Variants in BRINP3 observed in about 807,000 individuals in gnomAD.
BRINP3 encodes BMP/retinoic acid inducible neural specific 3.
BRINP3 carries 19 observed loss-of-function variants against 71.0 expected under a neutral mutation model. The observed-to-expected ratio is 0.27, with a 90% CI of 0.19 to 0.39. The LOEUF (loss-of-function observed/expected upper bound fraction) is 0.39. Among genes scored for constraint, BRINP3 ranks in the 10% least tolerant of loss-of-function variants. The pLI is 1.00. For missense variants in BRINP3, 959 were observed against 940.8 expected, an observed-to-expected ratio of 1.02 and a Z score of -0.25; for synonymous variants, 380 against 337.7, an observed-to-expected ratio of 1.13 and a Z score of -1.37.
intron 7 of BRINP3, among the ~76,000 whole-genome samples, chr1:190,112,848 C>T (rs540876272): frequency 6.6e-6 from 1 of 152,098 alleles, no homozygotes; most frequent in African/African-American, 2.4e-5. Context: ...CATTACATTC[C>T]CCAGGAAAGA....
chr1:190,334,773 T>C (rs1440399776), intron 2 of BRINP3, among the ~76,000 whole-genome samples: 1 of 151,790 alleles, frequency 6.6e-6, no homozygotes, highest in African/African-American at 2.4e-5. Flanking sequence ...GGTATTGAAA[T>C]AATAAGGTGA....
chr1:190,198,424 T>C (rs1452595733), intron 6 of BRINP3, among the ~76,000 whole-genome samples: 16 of 152,232 alleles, frequency 1.1e-4, no homozygotes, highest in Admixed American at 1.0e-3. Flanking sequence ...TCTGAACTTT[T>C]ATGCTCTGCT....
At chr1:190,261,938 C>A (rs1661218093) in intron 4 of BRINP3, among the ~76,000 whole-genome samples, 1 of 152,152 alleles carries the variant, frequency 6.6e-6, no homozygotes, top group Non-Finnish European at 1.5e-5. Context: ...ACCCTTGGAT[C>A]CAGCCTACTG....
intron 7 of BRINP3, among the ~76,000 whole-genome samples, chr1:190,110,167 T>G (rs2102277697): frequency 6.6e-6 from 1 of 152,258 alleles, no homozygotes; most frequent in African/African-American, 2.4e-5. Context: ...ATACGTGTGG[T>G]GAATGCTTTA....
intron 4 of BRINP3, among the ~76,000 whole-genome samples, chr1:190,247,942 G>A (rs1007272665): frequency 6.6e-6 from 1 of 151,756 alleles, no homozygotes. Context: ...CTCTATCTTC[G>A]ACAAAGTTTG....
chr1:190,282,916 GACA>G (rs1249135233), intron 2 of BRINP3, among the ~76,000 whole-genome samples: 1 of 151,908 alleles, frequency 6.6e-6, no homozygotes, highest in Non-Finnish European at 1.5e-5. Flanking sequence ...ACTCTGCCGA[GACA>G]ACAATTAGGC....
At chr1:190,463,724 T>C (rs1388837004) in intron 1 of BRINP3, among the ~76,000 whole-genome samples, 1 of 151,920 alleles carries the variant, frequency 6.6e-6, no homozygotes, top group East Asian at 1.9e-4. Context: ...GGTAATGATG[T>C]ATAACTTCAC....
At chr1:190,335,023 A>C (rs1667198793) in intron 2 of BRINP3, among the ~76,000 whole-genome samples, 1 of 151,828 alleles carries the variant, frequency 6.6e-6, no homozygotes, top group Non-Finnish European at 1.5e-5. Flanking sequence ...GATATTGCCT[A>C]TTTTATATTG....
At chr1:190,161,222 TTTC>T (rs141242106) in intron 6 of BRINP3, among the ~76,000 whole-genome samples, 2 of 152,156 alleles carry the variant, frequency 1.3e-5, no homozygotes, top group African/African-American at 2.4e-5. Flanking sequence ...TTCAGTAAAC[TTTC>T]TTCAATACAT....
chr1:190,153,925 G>T, intron 7 of BRINP3: 1 of 211,736 alleles, frequency 4.7e-6, no homozygotes, highest in Non-Finnish European at 8.2e-6. Flanking sequence ...ATGCAAGTTT[G>T]GCTCTAGTAA....
chr1:190,407,610 C>T (rs1157308414), intron 2 of BRINP3, among the ~76,000 whole-genome samples: 2 of 152,120 alleles, frequency 1.3e-5, no homozygotes, highest in African/African-American at 4.8e-5. Flanking sequence ...TTTATTCAAA[C>T]ATGTAAACCC....
chr1:190,201,972 C>T lies in BRINP3; in HGVS notation c.961+24110G>A, dbSNP rs56213523. On this transcript the variant is annotated intron_variant, in intron 6 of 7. Coordinates refer to ENST00000367462, the MANE Select transcript of BRINP3 (RefSeq NM_199051.3). ...TCAGAGGATCACCACAAAGTCCCTACTGAGGCATCACCTAGTGGAGCTGTG... is the reference window on the plus strand; with the variant it reads ...TCAGAGGATCACCACAAAGTCCCTATTGAGGCATCACCTAGTGGAGCTGTG... Among the ~76,000 whole-genome samples the T allele has an allele frequency of 3.3e-3, 498 of 152,294 alleles. 2 individuals carry two copies. The highest frequency in any genetic ancestry group is 0.011 in the African/African-American group (464 of 41,572).
intron 1 of BRINP3, among the ~76,000 whole-genome samples, chr1:190,457,498 T>A (rs924245695): frequency 7.1e-6 from 1 of 140,202 alleles, no homozygotes; most frequent in Admixed American, 7.1e-5. Context: ...CTACTAACGC[T>A]ATAGATGTTT....
chr1:190,472,921 ATGTAT>A (rs955005220), intron 1 of BRINP3, among the ~76,000 whole-genome samples: 5 of 151,746 alleles, frequency 3.3e-5, no homozygotes, highest in African/African-American at 1.2e-4. Flanking sequence ...GAAAATCAAG[ATGTAT>A]TGTAGTTTAT....
At chr1:190,215,404 A>G (rs1571385500) in intron 6 of BRINP3, among the ~76,000 whole-genome samples, 1 of 152,030 alleles carries the variant, frequency 6.6e-6, no homozygotes, top group Non-Finnish European at 1.5e-5. Context: ...AAAGATTATA[A>G]CATGTAAAGT....
At chr1:190,299,426 A>T (rs560526403) in intron 2 of BRINP3, among the ~76,000 whole-genome samples, 8 of 150,282 alleles carry the variant, frequency 5.3e-5, no homozygotes, top group Non-Finnish European at 1.0e-4. Flanking sequence ...AAACATATAT[A>T]TATTTATTTA....
intron 2 of BRINP3, 48 bp downstream of exon 2, chr1:190,454,607 A>G (rs1408395740): frequency 2.5e-5 from 38 of 1,510,104 alleles, no homozygotes; most frequent in Non-Finnish European, 3.4e-5. Flanking sequence ...ATGTATACAC[A>G]ACCTTCAAGG....
At chr1:190,447,995 A>T (rs1213847448) in intron 2 of BRINP3, among the ~76,000 whole-genome samples, 11 of 151,696 alleles carry the variant, frequency 7.3e-5, no homozygotes, top group Admixed American at 7.2e-4. Flanking sequence ...TTTAGTATAC[A>T]TTTGTATATA....
At chr1:190,236,125 A>C (rs1446235516) in intron 4 of BRINP3, among the ~76,000 whole-genome samples, 5 of 151,968 alleles carry the variant, frequency 3.3e-5, no homozygotes. Flanking sequence ...AGGTACAATA[A>C]ACTTTATCTG....
Sources: allele counts gnomAD v4.1 joint callset (sites outside exome capture counted in the v4.1 genomes callset), GRCh38; gene constraint gnomAD v4.1.1; transcripts MANE v1.5; gene names NCBI Gene and HGNC (gene_info 2026-07-23, HGNC 2026-07-21).